The following POU3F3 variants were observed in gnomAD, a reference collection of about 807,000 sequenced individuals.
POU3F3 encodes the protein POU domain, class 3, transcription factor 3.
In POU3F3, 1 loss-of-function variant was observed where a neutral mutation model predicts 8.6. The observed-to-expected ratio is 0.12, with a 90% CI of 0.04 to 0.55. The LOEUF (loss-of-function observed/expected upper bound fraction) is 0.55. Among genes scored for constraint, POU3F3 ranks in the 20% least tolerant of loss-of-function variants. The probability of loss-of-function intolerance (pLI) is 0.91; values close to 1 mark genes in which losing one functional copy is unlikely to be tolerated. For missense variants in POU3F3, 577 were observed against 690.7 expected (o/e 0.84, Z 1.84); for synonymous variants, 418 against 327.4 (o/e 1.28, Z -2.99).
chr2:104,911,659 T>C, the POU3F3 span, among the ~76,000 whole-genome samples: 1 of 151,450 alleles, frequency 6.6e-6, no homozygotes, highest in African/African-American at 2.4e-5. Flanking sequence ...ATAAAAAACA[T>C]GAATTTATCC....
At chr2:104,898,217 C>A in the POU3F3 span, among the ~76,000 whole-genome samples, 1 of 152,206 alleles carries the variant, frequency 6.6e-6, no homozygotes, top group African/African-American at 2.4e-5. Context: ...GGAAGGAGCA[C>A]CTCACCAGGT....
At position 104,855,607 on chromosome 2, in the gene POU3F3, G is replaced by T. The variant is rs1162657660; in HGVS notation, c.97G>T (p.Gly33Trp). The stretch of plus-strand genomic sequence containing the variant: ...GGACGCGGCAGGGGCTGGCGGCGGC[G>T]GGGGTGGCGGCGGCGGCGGCGGCGG... The part of the protein sequence containing the change: ...HSDAAGAGGG[G>W]GGGGGGGGGG... The change falls in exon 1 of 1, where the codon GGG becomes TGG. Residue 33 changes from glycine to tryptophan, a missense_variant. Gly to Trp is a radical substitution (Grantham distance 184, BLOSUM62 -2). Transcript: ENST00000361360. The T allele has an allele frequency of 1.0e-6, 1 of 976,848 alleles. No individual in the cohort carries two copies. The highest frequency in any genetic ancestry group is 1.2e-6 in the Non-Finnish European group (1 of 825,394). The allele number at this position is 976,848 out of a possible 1,614,324, so 60.5% of individuals were successfully genotyped here.
At chr2:104,874,122 A>G in the POU3F3 span, among the ~76,000 whole-genome samples, 1,200 of 152,284 alleles carry the variant, frequency 7.9e-3, 18 homozygotes, top group African/African-American at 0.027. Flanking sequence ...GAAGCAATTG[A>G]GGACTTGGTC....
At chr2:104,859,360 A>G (rs1676629404), downstream of POU3F3, among the ~76,000 whole-genome samples, 1 of 152,200 alleles carries the variant, frequency 6.6e-6, no homozygotes, top group Admixed American at 6.5e-5. Flanking sequence ...ATGTTTCAAT[A>G]TTTACAATGT....
At position 104,855,705 on chromosome 2, in the gene POU3F3, G is replaced by C. The variant is rs776563157; in HGVS notation, c.195G>C (p.Gly65=). 1 of 1,232,904 alleles carries C rather than the reference G, an allele frequency of 8.1e-7. No individual in the cohort carries two copies. The highest frequency in any genetic ancestry group is 2.6e-5 in the Admixed American group (1 of 38,228). The allele number at this position is 1,232,904 out of a possible 1,614,324, so 76.4% of individuals were successfully genotyped here. A position where few individuals can be genotyped will look rare whatever the true frequency, so the allele number is the denominator to read the frequency against. The change falls in exon 1 of 1, where the codon GGG becomes GGC. Residue 65 remains glycine (G), a synonymous_variant. Coordinates refer to ENST00000361360, the MANE Select transcript of POU3F3 (RefSeq NM_006236.3). The stretch of plus-strand genomic sequence containing the variant: ...CCGTGACCTCGGGCGCCTACCGGGG[G>C]GACCCGTCCTCTGTCAAGATGGTCC... ...SAAVTSGAYR[G]DPSSVKMVQS... is the part of the protein sequence containing the mutation.
chr2:104,916,804 GC>G, the POU3F3 span, among the ~76,000 whole-genome samples: 1 of 152,172 alleles, frequency 6.6e-6, no homozygotes, highest in African/African-American at 2.4e-5. Context: ...CCACACTGCT[GC>G]GAAGGTTAAT....
downstream of POU3F3, among the ~76,000 whole-genome samples, chr2:104,861,732 C>G (rs1676659165): frequency 6.6e-6 from 1 of 152,208 alleles, no homozygotes; most frequent in African/African-American, 2.4e-5. Flanking sequence ...GTTGTTGCTG[C>G]TGCTGCTGTT....
At chr2:104,865,759 T>C in the POU3F3 span, 2 of 152,248 alleles carry the variant, frequency 1.3e-5, no homozygotes, top group East Asian at 3.8e-4. Flanking sequence ...GATTTGTTCC[T>C]TTCTGCCCCT....
the POU3F3 span, among the ~76,000 whole-genome samples, chr2:104,896,112 G>A: frequency 6.6e-6 from 1 of 152,206 alleles, no homozygotes. Flanking sequence ...CCAAGAATAA[G>A]GCAGGATTGA....
chr2:104,907,792 C>T, the POU3F3 span, among the ~76,000 whole-genome samples: 1 of 152,078 alleles, frequency 6.6e-6, no homozygotes, highest in African/African-American at 2.4e-5. Flanking sequence ...TTGACTAGTA[C>T]TTCTAGAACA....
the POU3F3 span, among the ~76,000 whole-genome samples, chr2:104,909,792 G>T: frequency 2.0e-5 from 3 of 152,200 alleles, no homozygotes; most frequent in African/African-American, 4.8e-5. Context: ...ATCAATTGTG[G>T]ATTCTAATTC....
At chr2:104,896,117 G>A in the POU3F3 span, among the ~76,000 whole-genome samples, 170 of 152,334 alleles carry the variant, frequency 1.1e-3, 2 homozygotes, top group African/African-American at 3.8e-3. Flanking sequence ...AATAAGGCAG[G>A]ATTGAGTAAC....
chr2:104,879,000 A>G, the POU3F3 span, among the ~76,000 whole-genome samples: 1 of 151,802 alleles, frequency 6.6e-6, no homozygotes, highest in Non-Finnish European at 1.5e-5. Context: ...AACACACAAC[A>G]TACACAACAC....
the POU3F3 span, among the ~76,000 whole-genome samples, chr2:104,901,259 AG>A: frequency 6.6e-6 from 1 of 152,240 alleles, no homozygotes; most frequent in South Asian, 2.1e-4. Context: ...GAATCATAAA[AG>A]TCAATTAATC....
chr2:104,878,953 T>C, the POU3F3 span, among the ~76,000 whole-genome samples: 1 of 149,970 alleles, frequency 6.7e-6, no homozygotes, highest in Non-Finnish European at 1.5e-5. Flanking sequence ...AACACACAAA[T>C]ACAACACATA....
the POU3F3 span, among the ~76,000 whole-genome samples, chr2:104,887,357 G>T: frequency 6.6e-6 from 1 of 152,222 alleles, no homozygotes; most frequent in Non-Finnish European, 1.5e-5. Context: ...CCCTACTCAA[G>T]ATGGAGTTGT....
chr2:104,902,764 G>C, the POU3F3 span, among the ~76,000 whole-genome samples: 3 of 151,914 alleles, frequency 2.0e-5, no homozygotes, highest in African/African-American at 4.8e-5. Context: ...CTGAATAAAA[G>C]GGAGAAAAAA....
the POU3F3 span, among the ~76,000 whole-genome samples, chr2:104,898,980 G>A: frequency 0.033 from 5,029 of 152,294 alleles, 313 homozygotes; most frequent in African/African-American, 0.12. Flanking sequence ...TATTCGATTG[G>A]TGATTGGAAG....
downstream of POU3F3, among the ~76,000 whole-genome samples, chr2:104,862,204 G>T (rs1239929609): frequency 6.6e-6 from 1 of 152,188 alleles, no homozygotes; most frequent in Non-Finnish European, 1.5e-5. Context: ...CGGCCGCCTG[G>T]CCTTCTGGCG....
Sources: allele counts gnomAD v4.1 joint callset (sites outside exome capture counted in the v4.1 genomes callset), GRCh38; gene constraint gnomAD v4.1.1; transcripts MANE v1.5; gene names NCBI Gene and HGNC (gene_info 2026-07-23, HGNC 2026-07-21).